The following IGSF10 variants were observed in gnomAD, a reference collection of about 807,000 sequenced individuals.
IGSF10 encodes the protein immunoglobulin superfamily member 10, also known as calvaria mechanical force protein 608.
A neutral mutation model predicts 128.2 loss-of-function variants in IGSF10; 126 were observed. The ratio of observed to expected loss-of-function variants is 0.98; its 90% CI spans 0.85 to 1.14. IGSF10 has a LOEUF of 1.14. IGSF10 is among the 50% of genes most tolerant of loss of function. The pLI is 0.00. For synonymous variants in IGSF10, 1,185 were observed against 1,146.2 expected (o/e 1.03, Z -0.68); for missense variants, 3,295 against 3,149.8 (o/e 1.05, Z -1.10).
chr3:151,438,111 G>T lies in IGSF10; in HGVS notation c.6450C>A (p.Asn2150Lys), dbSNP rs766072424. The T allele has an allele frequency of 5.0e-6, 8 of 1,614,040 alleles. No individual in the cohort carries two copies. Among genetic ancestry groups the T allele is most frequent in the Non-Finnish European group, 5.9e-6 (7 of 1,180,030 alleles). ...CTGTGTCTCCAGCTTTGATTCTCTTGTTGGTTTTGTTACTCTGCCTTATCC... is the reference window on the plus strand; with the variant it reads ...CTGTGTCTCCAGCTTTGATTCTCTTTTTGGTTTTGTTACTCTGCCTTATCC... ...APRIRQSNKT[N>K]KRIKAGDTAV... Residue 2150 changes from asparagine (N) to lysine (K), a missense_variant, in exon 8 of 8, where the codon AAC becomes AAA. Physicochemically the swap from Asn to Lys is moderately conservative, Grantham distance 94. Coordinates refer to ENST00000282466, the MANE Select transcript of IGSF10 (RefSeq NM_178822.5).
downstream of IGSF10, chr3:151,433,897 G>A (rs920714057): frequency 1.3e-5 from 2 of 152,642 alleles, no homozygotes; most frequent in Non-Finnish European, 2.9e-5. Flanking sequence ...AAAAGCACAA[G>A]TAAATTATAC....
chr3:151,584,794 C>A, the IGSF10 span, among the ~76,000 whole-genome samples: 2 of 152,132 alleles, frequency 1.3e-5, no homozygotes, highest in Non-Finnish European at 2.9e-5. Flanking sequence ...GGAGCATAAC[C>A]TCCTAGGGAA....
the IGSF10 span, among the ~76,000 whole-genome samples, chr3:151,493,151 TA>T: frequency 6.6e-6 from 1 of 152,080 alleles, no homozygotes; most frequent in African/African-American, 2.4e-5. Context: ...TAGCAGTTAC[TA>T]GGGGTGAGGG....
chr3:151,445,863 G>A lies in IGSF10; in HGVS notation c.4118C>T (p.Ala1373Val). ...DQSSGFTTPT[A>V]MTPPVLTTAE... The stretch of plus-strand genomic sequence containing the variant: ...TGTGGTTAGAACAGGAGGTGTCATA[G>A]CAGTGGGTGTAGTGAAGCCAGAACT... The change falls in exon 6 of 8, where the codon GCT (alanine) becomes GTT (valine). Residue 1373 changes from alanine to valine, a missense_variant. Coordinates refer to ENST00000282466, the MANE Select transcript of IGSF10 (RefSeq NM_178822.5). 1.2e-6 allele frequency: 2 copies of A among 1,614,202 alleles called. No homozygotes were observed. The highest frequency in any genetic ancestry group is 1.7e-6 in the Non-Finnish European group (2 of 1,180,030).
At position 151,446,629 on chromosome 3, in the gene IGSF10, T is replaced by C; in HGVS notation, c.3352A>G (p.Ser1118Gly). The C allele has an allele frequency of 1.2e-6, 2 of 1,614,120 alleles. No individual in the cohort carries two copies. Among genetic ancestry groups the C allele is most frequent in the Non-Finnish European group, 8.5e-7 (1 of 1,180,004 alleles). ...NPLLLLENKPSVEKTTPTIKY... is the reference protein window; with the variant it reads ...NPLLLLENKPGVEKTTPTIKY... Reference sequence around the variant, plus strand: ...ATTGTGGGTGTTGTTTTCTCTACACTGGGTTTGTTCTCAAGTAGTAATAGT... The same window carrying C: ...ATTGTGGGTGTTGTTTTCTCTACACCGGGTTTGTTCTCAAGTAGTAATAGT... Residue 1118 changes from serine to glycine, a missense_variant, in exon 6 of 8, where the codon AGT (serine) becomes GGT (glycine). Transcript: ENST00000282466.
At chr3:151,548,891 T>C in the IGSF10 span, among the ~76,000 whole-genome samples, 1 of 152,064 alleles carries the variant, frequency 6.6e-6, no homozygotes, top group Non-Finnish European at 1.5e-5. Context: ...ATTATTTTTC[T>C]AATTCTTGTC....
chr3:151,574,773 C>A, the IGSF10 span, among the ~76,000 whole-genome samples: 1 of 152,178 alleles, frequency 6.6e-6, no homozygotes, highest in Admixed American at 6.5e-5. Context: ...TGGTGAGGAG[C>A]TGCAATCCTT....
intron 2 of IGSF10, among the ~76,000 whole-genome samples, chr3:151,458,939 T>A (rs1721931238): frequency 6.6e-6 from 1 of 152,220 alleles, no homozygotes; most frequent in Non-Finnish European, 1.5e-5. Flanking sequence ...GAAAATTTCT[T>A]CACAGCTTCT....
downstream of IGSF10, chr3:151,436,156 A>ATTTTC (rs1720162156): frequency 6.6e-6 from 1 of 152,210 alleles, no homozygotes; most frequent in African/African-American, 2.4e-5. Context: ...ATCAATGAAA[A>ATTTTC]TTTTCAGTGT....
At chr3:151,532,040 C>T in the IGSF10 span, among the ~76,000 whole-genome samples, 2 of 152,108 alleles carry the variant, frequency 1.3e-5, no homozygotes, top group Non-Finnish European at 2.9e-5. Flanking sequence ...TCAAAGAATA[C>T]TATAAACACC....
Position 151,461,025 on chromosome 3 carries a change from G to A in IGSF10, c.-168C>T, listed in dbSNP as rs565077717. 2.0e-6 allele frequency: 2 copies of A among 985,280 alleles called. No homozygotes were observed. Among genetic ancestry groups the A allele is most frequent in the South Asian group, 4.7e-5 (1 of 21,294 alleles). The allele number at this position is 985,280 out of a possible 1,614,324, so 61.0% of individuals were successfully genotyped here. ...GGTCCCGGGCTCAGCTGCTGGGGTC[G>A]TGCGGAGCTGGTCCGGAGCTCTGGG... On this transcript the variant is annotated 5_prime_UTR_variant, in exon 1 of 8. The change creates a new upstream start codon in the 5' untranslated region. Coordinates refer to ENST00000282466, the MANE Select transcript of IGSF10 (RefSeq NM_178822.5).
At chr3:151,439,754 G>T (rs1372614810) in intron 7 of IGSF10, among the ~76,000 whole-genome samples, 1 of 152,214 alleles carries the variant, frequency 6.6e-6, no homozygotes, top group Non-Finnish European at 1.5e-5. Context: ...TTTTTCTCCA[G>T]ATGTACAGTG....
the IGSF10 span, among the ~76,000 whole-genome samples, chr3:151,498,511 A>G: frequency 0.82 from 124,892 of 151,808 alleles, 51,463 homozygotes; most frequent in Middle Eastern, 0.93. Context: ...TTCAACGTAC[A>G]CAAATCAATA....
chr3:151,530,778 C>G, the IGSF10 span, among the ~76,000 whole-genome samples: 1 of 152,106 alleles, frequency 6.6e-6, no homozygotes, highest in African/African-American at 2.4e-5. Context: ...TTGTAAAGAC[C>G]ATCGATGCTA....
the IGSF10 span, among the ~76,000 whole-genome samples, chr3:151,582,576 G>A: frequency 2.2e-4 from 34 of 152,022 alleles, no homozygotes; most frequent in African/African-American, 3.1e-4. Context: ...ATTTAGCTAC[G>A]GTTTGTTCAT....
chr3:151,513,165 AAG>A, the IGSF10 span, among the ~76,000 whole-genome samples: 7 of 152,226 alleles, frequency 4.6e-5, no homozygotes, highest in Admixed American at 3.3e-4. Flanking sequence ...CAACAAAAAA[AAG>A]AGAATTTTAG....
At chr3:151,528,701 C>G in the IGSF10 span, among the ~76,000 whole-genome samples, 1 of 152,142 alleles carries the variant, frequency 6.6e-6, no homozygotes, top group African/African-American at 2.4e-5. Context: ...TTGCAACTGG[C>G]AGACCAGGAG....
the IGSF10 span, among the ~76,000 whole-genome samples, chr3:151,559,412 G>A: frequency 2.6e-5 from 4 of 152,206 alleles, no homozygotes; most frequent in African/African-American, 9.6e-5. Context: ...GAGTACACAC[G>A]TACTTGCAAA....
chr3:151,595,343 A>C, the IGSF10 span, among the ~76,000 whole-genome samples: 1 of 152,150 alleles, frequency 6.6e-6, no homozygotes, highest in Non-Finnish European at 1.5e-5. Context: ...AATATTATTC[A>C]CAATAGCCAA....
Sources: allele counts gnomAD v4.1 joint callset (sites outside exome capture counted in the v4.1 genomes callset), GRCh38; gene constraint gnomAD v4.1.1; transcripts MANE v1.5; gene names NCBI Gene and HGNC (gene_info 2026-07-23, HGNC 2026-07-21).